Variants in NEDD4L observed in about 807,000 individuals in gnomAD.
NEDD4L encodes the protein NEDD4 like E3 ubiquitin protein ligase, also known as E3 ubiquitin-protein ligase NEDD4-like.
In NEDD4L, 54 loss-of-function variants were observed where a neutral mutation model predicts 148.9. The ratio of observed to expected loss-of-function variants is 0.36; its 90% CI spans 0.29 to 0.45. The LOEUF (loss-of-function observed/expected upper bound fraction) is 0.45. Ranked by LOEUF, NEDD4L falls within the 20% of genes least tolerant of loss-of-function variation. The probability of loss-of-function intolerance (pLI) is 1.00; values close to 1 mark genes in which losing one functional copy is unlikely to be tolerated. For missense variants in NEDD4L, 856 were observed against 1,233.8 expected (o/e 0.69, Z 4.59); for synonymous variants, 433 against 440.7 (o/e 0.98, Z 0.22).
intron 1 of NEDD4L, among the ~76,000 whole-genome samples, chr18:58,090,439 G>T (rs1047969663): frequency 6.6e-6 from 1 of 152,058 alleles, no homozygotes; most frequent in Non-Finnish European, 1.5e-5. Context: ...CGTTTTCTCC[G>T]GTGTATTACC....
At chr18:58,332,270 G>A (rs1429851117) in intron 11 of NEDD4L, among the ~76,000 whole-genome samples, 1 of 152,134 alleles carries the variant, frequency 6.6e-6, no homozygotes, top group East Asian at 1.9e-4. Flanking sequence ...ATACAATGTT[G>A]TATTATTTCA....
intron 2 of NEDD4L, among the ~76,000 whole-genome samples, chr18:58,237,910 A>G (rs2046216068): frequency 6.6e-6 from 1 of 152,210 alleles, no homozygotes; most frequent in Non-Finnish European, 1.5e-5. Context: ...TCCTGGCTAG[A>G]GATTTCAAGA....
chr18:58,288,818 C>T (rs1383988055), intron 5 of NEDD4L, among the ~76,000 whole-genome samples: 1 of 152,130 alleles, frequency 6.6e-6, no homozygotes, highest in Non-Finnish European at 1.5e-5. Context: ...CTAAAAAGTT[C>T]AAATAACTAA....
intron 5 of NEDD4L, among the ~76,000 whole-genome samples, chr18:58,262,973 C>T (rs1306522223): frequency 6.6e-6 from 1 of 152,122 alleles, no homozygotes; most frequent in East Asian, 1.9e-4. Flanking sequence ...GTTTTTTATG[C>T]CCTGACAATT....
intron 2 of NEDD4L, among the ~76,000 whole-genome samples, chr18:58,188,863 C>G (rs529549078): frequency 6.6e-6 from 1 of 152,350 alleles, no homozygotes; most frequent in African/African-American, 2.4e-5. Flanking sequence ...GCCTAATAGT[C>G]TTCCAGTTAG....
At chr18:58,135,439 T>C (rs973695371) in intron 1 of NEDD4L, among the ~76,000 whole-genome samples, 5 of 152,220 alleles carry the variant, frequency 3.3e-5, no homozygotes, top group Admixed American at 1.3e-4. Context: ...CTGTGTTGTG[T>C]TTGTGATGGC....
chr18:58,071,855 T>C (rs1707513626), intron 1 of NEDD4L, among the ~76,000 whole-genome samples: 2 of 152,174 alleles, frequency 1.3e-5, no homozygotes, highest in African/African-American at 2.4e-5. Flanking sequence ...CCATCAGATC[T>C]CATGAGACTT....
In NEDD4L at chr18:58,300,557, CA is replaced by C. The variant is rs1463387508; in HGVS notation, c.298-15424del. Among the ~76,000 whole-genome samples the C allele has an allele frequency of 6.6e-5, 10 of 152,348 alleles. 1 individual carries two copies. The highest frequency in any genetic ancestry group is 6.5e-4 in the Admixed American group (10 of 15,304). On this transcript the variant is annotated intron_variant, in intron 5 of 30. Coordinates refer to ENST00000400345, the MANE Select transcript of NEDD4L (RefSeq NM_001144967.3). ...TCAGGGCCAGGAATAGAGCGAAAGA[CA>C]GAATACGGAGCCATGCTCTTTTTGC...
At chr18:58,204,097 C>T (rs1469971116) in intron 2 of NEDD4L, among the ~76,000 whole-genome samples, 2 of 152,182 alleles carry the variant, frequency 1.3e-5, no homozygotes, top group South Asian at 2.1e-4. Flanking sequence ...GAGGCCAAGG[C>T]GGGCAGATCA....
chr18:58,332,364 T>G (rs1300887861), intron 11 of NEDD4L, among the ~76,000 whole-genome samples: 1 of 152,180 alleles, frequency 6.6e-6, no homozygotes, highest in Non-Finnish European at 1.5e-5. Flanking sequence ...AACATGAGCT[T>G]TGGCTGGGCA....
chr18:58,373,149 T>G (rs1189904442), intron 23 of NEDD4L, 25 bp from the exon 24 acceptor site: 3 of 1,359,788 alleles, frequency 2.2e-6, no homozygotes, highest in Non-Finnish European at 3.1e-6. Flanking sequence ...AAATGCTGAA[T>G]TTTCACTCCT....
At chr18:58,373,807 C>T (rs188794123) in intron 24 of NEDD4L, among the ~76,000 whole-genome samples, 107 of 152,282 alleles carry the variant, frequency 7.0e-4, no homozygotes, top group African/African-American at 2.3e-3. Context: ...GACTGGTCAG[C>T]AGGGATTTGG....
At chr18:58,061,012 G>A (rs747278440) in intron 1 of NEDD4L, among the ~76,000 whole-genome samples, 1 of 152,084 alleles carries the variant, frequency 6.6e-6, no homozygotes, top group Non-Finnish European at 1.5e-5. Context: ...TACCGGTCTC[G>A]GCCTCCCAAA....
chr18:58,356,056 G>C lies in NEDD4L; in HGVS notation c.1709-1138G>C, dbSNP rs111723037. 7.2e-5 allele frequency among the ~76,000 whole-genome samples: 11 copies of C among 152,048 alleles called. No individual in the cohort carries two copies. In the East Asian group the frequency reaches 1.7e-3, roughly 24 times the overall value. ...CTGCAGCCTTCCCCTGGGCTCAAGCGATCTTCCCACCTCAGCCTCCCAAGT... is the reference window on the plus strand; with the variant it reads ...CTGCAGCCTTCCCCTGGGCTCAAGCCATCTTCCCACCTCAGCCTCCCAAGT... On this transcript the variant is annotated intron_variant, in intron 18 of 30. Transcript: ENST00000400345.
At chr18:58,125,439 C>T (rs1196825000) in intron 1 of NEDD4L, among the ~76,000 whole-genome samples, 1 of 152,058 alleles carries the variant, frequency 6.6e-6, no homozygotes, top group Non-Finnish European at 1.5e-5. Context: ...TCTCTGGCCA[C>T]CCCCTTCTTT....
At chr18:58,321,903 CTG>C (rs1426623219) in intron 6 of NEDD4L, among the ~76,000 whole-genome samples, 1 of 152,200 alleles carries the variant, frequency 6.6e-6, no homozygotes, top group East Asian at 1.9e-4. Context: ...GCTTCATGAA[CTG>C]AACCTCAGCA....
intron 1 of NEDD4L, among the ~76,000 whole-genome samples, chr18:58,072,467 T>C (rs983934414): frequency 1.2e-4 from 18 of 152,146 alleles, no homozygotes; most frequent in African/African-American, 1.7e-4. Context: ...GTTAATAGAA[T>C]AAAAGACAAA....
chr18:58,342,522 G>C (rs536969363), intron 15 of NEDD4L, among the ~76,000 whole-genome samples: 1 of 152,272 alleles, frequency 6.6e-6, no homozygotes, highest in East Asian at 1.9e-4. Context: ...TGTATTTATT[G>C]ATGTAGCTTT....
At chr18:58,078,564 GACTCCA>G (rs2083285343) in intron 1 of NEDD4L, among the ~76,000 whole-genome samples, 1 of 152,192 alleles carries the variant, frequency 6.6e-6, no homozygotes, top group South Asian at 2.1e-4. Context: ...GGTCTCACTT[GACTCCA>G]CAGTGAATGG....
Sources: allele counts gnomAD v4.1 joint callset (sites outside exome capture counted in the v4.1 genomes callset), GRCh38; gene constraint gnomAD v4.1.1; transcripts MANE v1.5; gene names NCBI Gene and HGNC (gene_info 2026-07-23, HGNC 2026-07-21).